ZYG11A: variants seen among roughly 807,000 people sequenced by gnomAD.
The protein encoded by ZYG11A is protein zyg-11 homolog A.
ZYG11A carries 62 observed loss-of-function variants against 77.2 expected under a neutral mutation model. The observed-to-expected ratio is 0.80, with a 90% CI of 0.65 to 0.99. ZYG11A has a LOEUF of 0.99. ZYG11A is among the 50% of genes least tolerant of loss of function. The pLI is 0.00. For synonymous variants in ZYG11A, 315 were observed against 324.6 expected (o/e 0.97, Z 0.32); for missense variants, 828 against 896.8 (o/e 0.92, Z 0.98).
At chr1:52,885,109 C>T (rs769941893) in intron 11 of ZYG11A, among the ~76,000 whole-genome samples, 7 of 152,140 alleles carry the variant, frequency 4.6e-5, no homozygotes, top group African/African-American at 1.7e-4. Context: ...CGGGTTTCAC[C>T]GTGTTGGCCA....
At chr1:52,890,249 G>GTTTTTTTTT (rs908467307) in intron 13 of ZYG11A, among the ~76,000 whole-genome samples, 3 of 71,656 alleles carry the variant, frequency 4.2e-5, no homozygotes, top group Non-Finnish European at 7.4e-5. Flanking sequence ...TTTTCTTTTA[G>GTTTTTTTTT]TTTTTTTTTT....
chr1:52,887,092 C>T lies in ZYG11A; in HGVS notation c.2104+39C>T, dbSNP rs568924998. On this transcript the variant is annotated intron_variant, in intron 13 of 13. Transcript: ENST00000371528. ...ATATATTCAAAACATAATAGTTTTCCAGCTATTTTTCTGTGTAATGATTAA... is the reference window on the plus strand; with the variant it reads ...ATATATTCAAAACATAATAGTTTTCTAGCTATTTTTCTGTGTAATGATTAA... The T allele has an allele frequency of 2.0e-4, 234 of 1,183,222 alleles. 1 individual carries two copies. The East Asian group carries it at 4.8e-3, about 24-fold the overall frequency. The allele number at this position is 1,183,222 out of a possible 1,614,324, so 73.3% of individuals were successfully genotyped here. A position where few individuals can be genotyped will look rare whatever the true frequency, so the allele number is the denominator to read the frequency against.
At chr1:52,883,358 A>G (rs1488864210) in intron 11 of ZYG11A, among the ~76,000 whole-genome samples, 1 of 152,072 alleles carries the variant, frequency 6.6e-6, no homozygotes, top group East Asian at 1.9e-4. Context: ...TCCTGACCTC[A>G]AGTGATCCAC....
chr1:52,892,145 C>T (rs963773983), intron 13 of ZYG11A, among the ~76,000 whole-genome samples: 1 of 149,540 alleles, frequency 6.7e-6, no homozygotes, highest in Non-Finnish European at 1.5e-5. Context: ...ATGATCCGCC[C>T]GCCTCGGCCT....
At chr1:52,856,244 A>G (rs1458244485) in intron 2 of ZYG11A, among the ~76,000 whole-genome samples, 1 of 152,092 alleles carries the variant, frequency 6.6e-6, no homozygotes, top group Non-Finnish European at 1.5e-5. Flanking sequence ...CCTATACTGA[A>G]TTCCTTGTGG....
At chr1:52,860,934 C>T (rs940657967) in intron 4 of ZYG11A, 63 bp downstream of exon 4, 9 of 1,417,294 alleles carry the variant, frequency 6.4e-6, no homozygotes, top group South Asian at 2.5e-5. Flanking sequence ...TAATTGTTCA[C>T]GAACCACACT....
At chr1:52,870,067 G>A (rs982620531) in intron 8 of ZYG11A, among the ~76,000 whole-genome samples, 2 of 150,724 alleles carry the variant, frequency 1.3e-5, no homozygotes, top group African/African-American at 4.9e-5. Context: ...CTCCCAGACG[G>A]GGTCGCGGCC....
chr1:52,887,622 G>A (rs1320738335), intron 13 of ZYG11A, among the ~76,000 whole-genome samples: 1 of 151,668 alleles, frequency 6.6e-6, no homozygotes, highest in African/African-American at 2.4e-5. Context: ...CTCCCAAAGT[G>A]CTGGGATTAC....
At chr1:52,878,480 A>G (rs966958821) in intron 10 of ZYG11A, among the ~76,000 whole-genome samples, 3 of 152,196 alleles carry the variant, frequency 2.0e-5, no homozygotes, top group Admixed American at 6.5e-5. Context: ...TCATAGGACA[A>G]CACAGGTTAT....
intron 3 of ZYG11A, among the ~76,000 whole-genome samples, chr1:52,858,606 GATT>G (rs903001475): frequency 6.7e-6 from 1 of 148,450 alleles, no homozygotes; most frequent in Non-Finnish European, 1.5e-5. Context: ...CGCCCGGCCC[GATT>G]ATTATTATTA....
rs1456141136 is a variant in ZYG11A, at chr1:52,894,118, A to T, written c.*1161A>T. ...GAGTCACTGCACCTGGCCTTTTTAC[A>T]ATTTTGGGTGTCTATCTTTGGCATG... On this transcript the variant is annotated 3_prime_UTR_variant, in exon 14 of 14. Coordinates refer to ENST00000371528, the MANE Select transcript of ZYG11A (RefSeq NM_001004339.3). The T allele has an allele frequency of 6.6e-6, 1 of 151,886 alleles. No homozygotes were observed. 9.4% of individuals were successfully genotyped at this position (151,886 alleles called of 1,614,324 possible). A position where few individuals can be genotyped will look rare whatever the true frequency, so the allele number is the denominator to read the frequency against.
chr1:52,860,960 TATGC>T, intron 4 of ZYG11A, 89 bp downstream of exon 4: 2 of 1,288,124 alleles, frequency 1.6e-6, no homozygotes, highest in Non-Finnish European at 2.1e-6. Flanking sequence ...TAATAAATTA[TATGC>T]TTTATTCTAT....
At chr1:52,850,795 T>A (rs1558159004) in intron 1 of ZYG11A, among the ~76,000 whole-genome samples, 1 of 152,186 alleles carries the variant, frequency 6.6e-6, no homozygotes, top group Non-Finnish European at 1.5e-5. Flanking sequence ...TTTGGTCTTT[T>A]TCATATCTTC....
Position 52,857,144 on chromosome 1 carries a change from G to C in ZYG11A, c.403G>C (p.Val135Leu), listed in dbSNP as rs752779447. ...GCTCATTGAACTGAATGCTACTGCA[G>C]TGCACGCTGACCTCCCAGTTCCAGA... ...HKLIELNATA[V>L]HADLPVPDII... The change falls in exon 3 of 14, where the codon GTG becomes CTG. Residue 135 changes from valine (V) to leucine (L), a missense_variant. Val to Leu is a conservative substitution (Grantham distance 32). Coordinates refer to ENST00000371528, the MANE Select transcript of ZYG11A (RefSeq NM_001004339.3). 7.1e-6 allele frequency: 11 copies of C among 1,551,940 alleles called. No homozygotes were observed. The highest frequency in any genetic ancestry group is 7.0e-6 in the Non-Finnish European group (8 of 1,147,068).
chr1:52,857,204 C>T lies in ZYG11A; in HGVS notation c.463C>T (p.Gln155Ter). The T allele has an allele frequency of 1.3e-6, 2 of 1,552,206 alleles. No homozygotes were observed. The highest frequency in any genetic ancestry group is 1.7e-6 in the Non-Finnish European group (2 of 1,147,116). ...ISGLCSNRWI[Q>*]QNLQCLLLDS... The stretch of plus-strand genomic sequence containing the variant: ...TGGACTCTGCAGCAATAGGTGGATC[C>T]AGCAAAACCTCCAGTGTCTCCTGTT... The change falls in exon 3 of 14, where the codon CAG becomes TAG. Residue 155 changes from glutamine to a stop codon, truncating the protein, a stop_gained. Coordinates refer to ENST00000371528, the MANE Select transcript of ZYG11A (RefSeq NM_001004339.3). LOFTEE classifies it high-confidence loss of function.
chr1:52,877,882 T>C, intron 9 of ZYG11A, 39 bp downstream of exon 9: 1 of 1,551,040 alleles, frequency 6.4e-7, no homozygotes, highest in Non-Finnish European at 8.7e-7. Context: ...AAAGTTCTTC[T>C]CTTCATGATA....
At chr1:52,856,443 A>AAG (rs1645812045) in intron 2 of ZYG11A, among the ~76,000 whole-genome samples, 1 of 125,604 alleles carries the variant, frequency 8.0e-6, no homozygotes, top group South Asian at 2.9e-4. Context: ...GTGACAGAGC[A>AAG]AGACTCCATC....
At chr1:52,891,021 C>A (rs1007676292) in intron 13 of ZYG11A, among the ~76,000 whole-genome samples, 1 of 151,886 alleles carries the variant, frequency 6.6e-6, no homozygotes, top group Admixed American at 6.6e-5. Context: ...GCCTCAGCCT[C>A]CTGAGTAGCT....
chr1:52,891,622 A>G (rs1481073269), intron 13 of ZYG11A, among the ~76,000 whole-genome samples: 1 of 151,784 alleles, frequency 6.6e-6, no homozygotes, highest in African/African-American at 2.4e-5. Flanking sequence ...GTATACCCCT[A>G]CAGCCCCATC....
Sources: gnomAD v4.1 joint callset for allele counts (sites outside exome capture counted in the v4.1 genomes callset) on GRCh38, gnomAD v4.1.1 for gene constraint, MANE v1.5 for transcripts, NCBI Gene and HGNC (gene_info 2026-07-23, HGNC 2026-07-21) for gene names.